The following ZNF251 variants were observed in gnomAD, a reference collection of about 807,000 sequenced individuals.
The protein encoded by ZNF251 is zinc finger protein 251.
A neutral mutation model predicts 13.5 loss-of-function variants in ZNF251; 14 were observed. That is an observed-to-expected ratio of 1.04 (90% CI 0.69 to 1.63). The LOEUF (loss-of-function observed/expected upper bound fraction) is 1.63. Among genes scored for constraint, ZNF251 ranks in the 40% most tolerant of loss-of-function variants. ZNF251 has a pLI of 0.00. For synonymous variants in ZNF251, 287 were observed against 295.2 expected, an observed-to-expected ratio of 0.97 and a Z score of 0.28; for missense variants, 764 against 834.9, an observed-to-expected ratio of 0.92 and a Z score of 1.05.
rs199601849 is a variant in ZNF251, at chr8:144,721,690, C to A, written c.1970G>T (p.Arg657Ile). The A allele has an allele frequency of 2.9e-4, 402 of 1,371,478 alleles. No homozygotes were observed. The highest frequency in any genetic ancestry group is 3.5e-4 in the Non-Finnish European group (373 of 1,054,280). The allele number at this position is 1,371,478 out of a possible 1,614,324, so 85.0% of individuals were successfully genotyped here. A position where few individuals can be genotyped will look rare whatever the true frequency, so the allele number is the denominator to read the frequency against. ...EKPALNDGSK[R>I]YFIHIKKIFQ... ...AATCTTCTTGATATGAATAAAGTAT[C>A]TTTTAGAGCCATCATTTAAAGCAGG... Residue 657 changes from arginine (R) to isoleucine (I), a missense_variant, in exon 5 of 5, where the codon AGA (arginine) becomes ATA (isoleucine). Coordinates refer to ENST00000292562, the MANE Select transcript of ZNF251 (RefSeq NM_138367.2).
At chr8:144,735,738 CA>C (rs1823866852) in intron 4 of ZNF251, among the ~76,000 whole-genome samples, 2 of 152,298 alleles carry the variant, frequency 1.3e-5, no homozygotes, top group Non-Finnish European at 2.9e-5. Context: ...CTGGAGACCA[CA>C]CCCACCTCCT....
chr8:144,755,244 C>T, intron 1 of ZNF251, 161 bp downstream of exon 1: 2 of 1,185,754 alleles, frequency 1.7e-6, no homozygotes, highest in Non-Finnish European at 2.1e-6. Flanking sequence ...TCTAGGGCCG[C>T]GCCGCGGTCG....
In ZNF251 at chr8:144,755,378, C is replaced by A. The variant is rs1011050503; in HGVS notation, c.-76+27G>T. ...TCCCCGCCTGCCTGCCCGCTTGGCG[C>A]TCCTTCCTGGTCCGACACTGCCCCA... On this transcript the variant is annotated intron_variant, in intron 1 of 4. Transcript: ENST00000292562. The A allele has an allele frequency of 3.1e-5, 40 of 1,287,528 alleles. No individual in the cohort carries two copies. In the Admixed American group the frequency reaches 8.3e-4, roughly 27 times the overall value. The allele number at this position is 1,287,528 out of a possible 1,614,324, so 79.8% of individuals were successfully genotyped here.
At chr8:144,739,614 C>A (rs1266469218) in intron 4 of ZNF251, among the ~76,000 whole-genome samples, 1 of 152,200 alleles carries the variant, frequency 6.6e-6, no homozygotes, top group East Asian at 1.9e-4. Flanking sequence ...GACCACTGTG[C>A]CCGGAAACCT....
At chr8:144,731,422 C>CT (rs1823690862) in intron 4 of ZNF251, among the ~76,000 whole-genome samples, 1 of 152,166 alleles carries the variant, frequency 6.6e-6, no homozygotes, top group African/African-American at 2.4e-5. Context: ...ACAAGTGTGT[C>CT]TATTTGTTAA....
At chr8:144,753,223 C>G (rs1228307829) in intron 4 of ZNF251, among the ~76,000 whole-genome samples, 1 of 136,816 alleles carries the variant, frequency 7.3e-6, no homozygotes, top group African/African-American at 2.7e-5. Flanking sequence ...TGCAGTGAGC[C>G]GAGATCGTGC....
intron 1 of ZNF251, 142 bp from the exon 2 acceptor site, chr8:144,754,945 G>A: frequency 7.1e-7 from 1 of 1,414,298 alleles, no homozygotes; most frequent in Non-Finnish European, 9.2e-7. Context: ...GTGCCCTACT[G>A]CTCAGTGACT....
At chr8:144,723,975 G>A (rs1439573402) in intron 4 of ZNF251, among the ~76,000 whole-genome samples, 1 of 152,138 alleles carries the variant, frequency 6.6e-6, no homozygotes, top group Non-Finnish European at 1.5e-5. Flanking sequence ...CAGGCGCGGT[G>A]GCTCACGCCC....
intron 4 of ZNF251, among the ~76,000 whole-genome samples, chr8:144,748,077 T>A (rs570652233): frequency 6.6e-6 from 1 of 150,808 alleles, no homozygotes; most frequent in African/African-American, 2.4e-5. Context: ...CTTGACAACC[T>A]CACTTTTTTT....
Position 144,723,399 on chromosome 8 carries a change from T to C in ZNF251, c.278-17A>G. 1.4e-6 allele frequency: 2 copies of C among 1,430,956 alleles called. No homozygotes were observed. Among genetic ancestry groups the C allele is most frequent in the Non-Finnish European group, 1.8e-6 (2 of 1,094,714 alleles). The allele number at this position is 1,430,956 out of a possible 1,614,324, so 88.6% of individuals were successfully genotyped here. A position where few individuals can be genotyped will look rare whatever the true frequency, so the allele number is the denominator to read the frequency against. Reference sequence around the variant, plus strand: ...CCTCAGAATCTGTTAAAGAAAAATATAAATGAGTTACTAGAGAAAACCTTC... The same window carrying C: ...CCTCAGAATCTGTTAAAGAAAAATACAAATGAGTTACTAGAGAAAACCTTC... On this transcript the variant is annotated splice_polypyrimidine_tract_variant and intron_variant, in intron 4 of 4. Coordinates refer to ENST00000292562, the MANE Select transcript of ZNF251 (RefSeq NM_138367.2).
At chr8:144,740,407 T>C (rs1289632748) in intron 4 of ZNF251, among the ~76,000 whole-genome samples, 2 of 146,730 alleles carry the variant, frequency 1.4e-5, no homozygotes, top group African/African-American at 2.5e-5. Flanking sequence ...GAGGCCGAGG[T>C]GGGTGGATCA....
Position 144,754,695 on chromosome 8 carries a change from C to T in ZNF251, c.33+1G>A. On this transcript the variant is annotated splice_donor_variant, in intron 2 of 4. Transcript: ENST00000292562. LOFTEE classifies it high-confidence loss of function. Reference sequence around the variant, plus strand: ...GTGGGCAGGAAGGAGGGTTAACTCACCTGGTGCCCTGGAAGCTGGAATGTG... The same window carrying T: ...GTGGGCAGGAAGGAGGGTTAACTCATCTGGTGCCCTGGAAGCTGGAATGTG... 6.2e-7 allele frequency: 1 copy of T among 1,609,322 alleles called. No homozygotes were observed.
intron 4 of ZNF251, among the ~76,000 whole-genome samples, chr8:144,744,745 G>A (rs1365563908): frequency 1.3e-5 from 2 of 152,156 alleles, no homozygotes; most frequent in Non-Finnish European, 2.9e-5. Context: ...GATCTCGGAC[G>A]TGTAGCCTCC....
At position 144,722,186 on chromosome 8, in the gene ZNF251, C is replaced by G. The variant is rs1212375828; in HGVS notation, c.1474G>C (p.Gly492Arg). ...VHTGEKPYDC[G>R]DCGKAFSRRS... is the part of the protein sequence containing the mutation. The stretch of plus-strand genomic sequence containing the variant: ...CGGCTGAAGGCCTTCCCACAGTCAC[C>G]ACAGTCATAGGGCTTCTCTCCAGTG... The change falls in exon 5 of 5, where the codon GGT becomes CGT. Residue 492 changes from glycine to arginine, a missense_variant. Physicochemically the swap from Gly to Arg is moderately radical, Grantham distance 125 (BLOSUM62 -2). Coordinates refer to ENST00000292562, the MANE Select transcript of ZNF251 (RefSeq NM_138367.2). The surrounding 1 kb of genome is among the most constrained non-coding windows in gnomAD (Gnocchi z 4.8). The G allele has an allele frequency of 1.2e-6, 2 of 1,612,826 alleles. No individual in the cohort carries two copies. Among genetic ancestry groups the G allele is most frequent in the Admixed American group, 1.7e-5 (1 of 59,914 alleles).
Position 144,745,233 on chromosome 8 carries a change from G to A in ZNF251, c.277+8450C>T, listed in dbSNP as rs138426702. On this transcript the variant is annotated intron_variant, in intron 4 of 4. Transcript: ENST00000292562. ...GGCACGTGGATGTTCAGTTATTCCAGCACCATTTCTTGAAAAGATCATCCT... is the reference window on the plus strand; with the variant it reads ...GGCACGTGGATGTTCAGTTATTCCAACACCATTTCTTGAAAAGATCATCCT... Among the ~76,000 whole-genome samples, 3 of 141,470 alleles carry A rather than the reference G, an allele frequency of 2.1e-5. No individual in the cohort carries two copies. In the East Asian group the frequency reaches 6.9e-4, roughly 32 times the overall value. The allele number at this position is 141,470 out of a possible 152,430, so 92.8% of individuals were successfully genotyped here. A position where few individuals can be genotyped will look rare whatever the true frequency, so the allele number is the denominator to read the frequency against.
Position 144,737,899 on chromosome 8 carries a change from G to A in ZNF251, c.278-14517C>T, listed in dbSNP as rs929167820. Among the ~76,000 whole-genome samples, 38 of 150,680 alleles carry A rather than the reference G, an allele frequency of 2.5e-4. 1 individual carries two copies. The highest frequency in any genetic ancestry group is 2.3e-3 in the Admixed American group (35 of 15,118). On this transcript the variant is annotated intron_variant, in intron 4 of 4. Coordinates refer to ENST00000292562, the MANE Select transcript of ZNF251 (RefSeq NM_138367.2). ...TCACCCCACATAAAATACAGGGGCC[G>A]GTGCCTTCAGTAAAATTCTTGGGCA...
At chr8:144,723,496 G>A in intron 4 of ZNF251, 114 bp from the exon 5 acceptor site, 1 of 701,508 alleles carries the variant, frequency 1.4e-6, no homozygotes, top group Non-Finnish European at 2.0e-6. Context: ...TGCTCCAATA[G>A]GAAAAGATGT....
Position 144,722,734 on chromosome 8 carries a change from A to AT in ZNF251, c.925dup (p.Ile309AsnfsTer16). ...TCCTGTGTGAATGATCCGATGTTGA[A>AT]TAAGAGTTGAGCTTCGACTGAAAGC... On this transcript the variant is annotated frameshift_variant, in exon 5 of 5. Transcript: ENST00000292562. LOFTEE classifies it low-confidence loss of function (END_TRUNC). This position sits in a 1 kb window ranked among gnomAD's most constrained non-coding sequence, Gnocchi z 4.8. The AT allele has an allele frequency of 6.2e-7, 1 of 1,614,130 alleles. No homozygotes were observed. Among genetic ancestry groups the AT allele is most frequent in the Non-Finnish European group, 8.5e-7 (1 of 1,179,974 alleles).
intron 4 of ZNF251, among the ~76,000 whole-genome samples, chr8:144,725,923 G>A (rs748655083): frequency 1.3e-5 from 2 of 152,140 alleles, no homozygotes; most frequent in Non-Finnish European, 2.9e-5. Flanking sequence ...TTAGGCTGGC[G>A]TGGTGGCTCA....
Sources: gnomAD v4.1 joint callset for allele counts (sites outside exome capture counted in the v4.1 genomes callset) on GRCh38, gnomAD v4.1.1 for gene constraint, Gnocchi (gnomAD v3.1) non-coding constraint, MANE v1.5 for transcripts, NCBI Gene and HGNC (gene_info 2026-07-23, HGNC 2026-07-21) for gene names.